SP100: variants seen among roughly 807,000 people sequenced by gnomAD.
SP100 encodes nuclear autoantigen Sp-100.
Under a neutral mutation model 130.0 loss-of-function variants are expected in SP100, and 84 were observed. The ratio of observed to expected loss-of-function variants is 0.65; its 90% CI spans 0.54 to 0.77. SP100 has a LOEUF of 0.77. SP100 is among the 30% of genes least tolerant of loss of function. SP100 has a pLI of 0.00. For missense variants in SP100, 978 were observed against 1,052.2 expected (o/e 0.93, Z 0.97); for synonymous variants, 331 against 351.7 (o/e 0.94, Z 0.66).
At chr2:230,490,072 A>C (rs967042969) in intron 17 of SP100, among the ~76,000 whole-genome samples, 2 of 152,124 alleles carry the variant, frequency 1.3e-5, no homozygotes, top group African/African-American at 4.8e-5. Flanking sequence ...TATCCTTGTT[A>C]ATTTTCTGTC....
intron 18 of SP100, among the ~76,000 whole-genome samples, chr2:230,497,606 G>GGAAAGGAAA (rs2066768531): frequency 1.4e-5 from 2 of 141,262 alleles, no homozygotes; most frequent in African/African-American, 2.5e-5. Flanking sequence ...GGAAAGGAAA[G>GGAAAGGAAA]GAAAGGAAAG....
intron 2 of SP100, among the ~76,000 whole-genome samples, chr2:230,432,627 T>A (rs1247435683): frequency 6.6e-6 from 1 of 152,182 alleles, no homozygotes; most frequent in Admixed American, 6.5e-5. Flanking sequence ...TCTTTTCACA[T>A]GTTTTTATTT....
intron 24 of SP100, among the ~76,000 whole-genome samples, chr2:230,524,368 A>AAG (rs1250072612): frequency 1.3e-5 from 2 of 149,426 alleles, no homozygotes; most frequent in Admixed American, 1.3e-4. Context: ...AAAAAAAAAA[A>AAG]AAAGAAAAAG....
At chr2:230,486,963 G>A (rs1249224764) in intron 17 of SP100, among the ~76,000 whole-genome samples, 6 of 152,104 alleles carry the variant, frequency 3.9e-5, no homozygotes, top group East Asian at 1.9e-4. Context: ...CATTGGCCAC[G>A]TAAATGTCTT....
At chr2:230,518,551 G>A (rs548827223) in intron 24 of SP100, among the ~76,000 whole-genome samples, 16 of 151,870 alleles carry the variant, frequency 1.1e-4, no homozygotes, top group South Asian at 4.2e-4. Context: ...TGACCTAGAC[G>A]TTTAATGAGC....
chr2:230,500,496 CAA>C (rs2066959066), intron 19 of SP100, among the ~76,000 whole-genome samples: 1 of 152,212 alleles, frequency 6.6e-6, no homozygotes. Flanking sequence ...AGGATTTAAA[CAA>C]GAGATAAACT....
intron 2 of SP100, among the ~76,000 whole-genome samples, chr2:230,431,887 G>A (rs898038424): frequency 6.6e-6 from 1 of 152,072 alleles, no homozygotes; most frequent in Non-Finnish European, 1.5e-5. Flanking sequence ...CAGCTTTAAT[G>A]AGGTATAATT....
In SP100 at chr2:230,444,327, T is replaced by G; in HGVS notation, c.420T>G (p.Ile140Met). Residue 140 changes from isoleucine (I) to methionine (M), a missense_variant, in exon 4 of 29, where the codon ATT becomes ATG. By Grantham distance (10) the Ile-to-Met change is conservative. Transcript: ENST00000340126. ...AGGAATACCCCGATTTAATTCACAT[T>G]TATAAAGGCTTTGAAAATGGTAATT... ...NMQEYPDLIH[I>M]YKGFENVIHD... 6.2e-7 allele frequency: 1 copy of G among 1,604,750 alleles called. No individual in the cohort carries two copies.
intron 24 of SP100, chr2:230,515,488 A>G (rs1575791235): frequency 5.0e-6 from 8 of 1,613,484 alleles, no homozygotes; most frequent in Non-Finnish European, 6.8e-6. Flanking sequence ...GGAAAAATAC[A>G]AAAAGGATAT....
At chr2:230,485,678 T>G (rs1406841533) in intron 17 of SP100, among the ~76,000 whole-genome samples, 1 of 152,220 alleles carries the variant, frequency 6.6e-6, no homozygotes, top group South Asian at 2.1e-4. Context: ...TTTGCCTATA[T>G]ATTTATTTTC....
chr2:230,511,062 A>G, intron 23 of SP100, 63 bp from the exon 24 acceptor site: 1 of 1,105,688 alleles, frequency 9.0e-7, no homozygotes, highest in African/African-American at 1.5e-5. Context: ...AAGTCTGTTC[A>G]AATGTGGGGT....
chr2:230,455,056 T>C (rs1333334928), intron 8 of SP100, among the ~76,000 whole-genome samples: 1 of 152,140 alleles, frequency 6.6e-6, no homozygotes, highest in African/African-American at 2.4e-5. Flanking sequence ...TTTCTTTCTT[T>C]TTGTTTCTTT....
intron 2 of SP100, among the ~76,000 whole-genome samples, chr2:230,423,126 C>G (rs983243479): frequency 4.6e-5 from 7 of 152,136 alleles, no homozygotes; most frequent in Non-Finnish European, 1.0e-4. Flanking sequence ...AAACTGATGT[C>G]TGTGTGTGTA....
At chr2:230,474,820 T>A (rs1564324) in intron 17 of SP100, among the ~76,000 whole-genome samples, 43,542 of 152,002 alleles carry the variant, frequency 0.29, 6,481 homozygotes, top group South Asian at 0.45. Context: ...TTGCTTAGGA[T>A]AATGGCCTCC....
intron 13 of SP100, among the ~76,000 whole-genome samples, chr2:230,467,702 C>T (rs998601427): frequency 1.2e-4 from 19 of 152,308 alleles, no homozygotes; most frequent in South Asian, 4.1e-4. Flanking sequence ...GATTCAATTA[C>T]GTGCCACCAG....
intron 18 of SP100, 81 bp downstream of exon 18, chr2:230,494,541 C>T: frequency 9.5e-7 from 1 of 1,056,976 alleles, no homozygotes; most frequent in Non-Finnish European, 1.5e-6. Flanking sequence ...TTGCTGCAGC[C>T]TCAGAATCTC....
intron 17 of SP100, among the ~76,000 whole-genome samples, chr2:230,483,510 A>G (rs1160421579): frequency 2.0e-5 from 3 of 152,248 alleles, no homozygotes; most frequent in Non-Finnish European, 4.4e-5. Context: ...CTTAAGTAAG[A>G]GAAGACATCA....
intron 2 of SP100, among the ~76,000 whole-genome samples, chr2:230,436,564 C>T (rs1036131446): frequency 3.3e-5 from 5 of 152,160 alleles, no homozygotes; most frequent in African/African-American, 1.2e-4. Context: ...TCGCCTTCCA[C>T]CATGATTGTA....
At chr2:230,497,268 A>C (rs2066720582) in intron 18 of SP100, among the ~76,000 whole-genome samples, 1 of 152,034 alleles carries the variant, frequency 6.6e-6, no homozygotes. Flanking sequence ...ACTTTGATGA[A>C]AGGTGACTAC....
Sources: allele counts gnomAD v4.1 joint callset (sites outside exome capture counted in the v4.1 genomes callset), GRCh38; gene constraint gnomAD v4.1.1; transcripts MANE v1.5; gene names NCBI Gene and HGNC (gene_info 2026-07-23, HGNC 2026-07-21).